GALNTL6: variants seen among roughly 807,000 people sequenced by gnomAD.
GALNTL6 encodes the protein polypeptide N-acetylgalactosaminyltransferase like 6.
In GALNTL6, 46 loss-of-function variants were observed where a neutral mutation model predicts 73.7. The ratio of observed to expected loss-of-function variants is 0.62; its 90% CI spans 0.49 to 0.80. The LOEUF is 0.80. Among genes scored for constraint, GALNTL6 ranks in the 30% least tolerant of loss-of-function variants. GALNTL6 has a pLI of 0.00. For missense variants in GALNTL6, 604 were observed against 755.0 expected (o/e 0.80, Z 2.34); for synonymous variants, 259 against 263.7 (o/e 0.98, Z 0.17).
intron 11 of GALNTL6, among the ~76,000 whole-genome samples, chr4:173,020,966 G>A (rs945342015): frequency 8.5e-5 from 13 of 152,104 alleles, no homozygotes; most frequent in African/African-American, 1.4e-4. Context: ...CCAGCTACTC[G>A]GGAGGCTGAG....
intron 2 of GALNTL6, among the ~76,000 whole-genome samples, chr4:171,822,765 A>G (rs1041008467): frequency 1.3e-5 from 2 of 152,208 alleles, no homozygotes; most frequent in Non-Finnish European, 2.9e-5. Context: ...CCTGTTTTCA[A>G]TTAACTTCGA....
intron 2 of GALNTL6, among the ~76,000 whole-genome samples, chr4:171,909,314 C>T (rs1457077951): frequency 1.3e-5 from 2 of 152,012 alleles, no homozygotes; most frequent in African/African-American, 2.4e-5. Flanking sequence ...TTTGAAACTA[C>T]TGTATATTAT....
chr4:171,983,472 ATT>A (rs1276440743), intron 2 of GALNTL6, among the ~76,000 whole-genome samples: 1 of 144,372 alleles, frequency 6.9e-6, no homozygotes, highest in African/African-American at 2.6e-5. Flanking sequence ...GATTTTATTT[ATT>A]TATTTATTTA....
chr4:172,926,903 A>G (rs368453469), intron 8 of GALNTL6, among the ~76,000 whole-genome samples: 24 of 152,356 alleles, frequency 1.6e-4, no homozygotes, highest in East Asian at 7.7e-4. Flanking sequence ...AAATATCAGA[A>G]GAGGCTGAGA....
intron 8 of GALNTL6, among the ~76,000 whole-genome samples, chr4:172,892,870 G>T (rs1746114418): frequency 6.6e-6 from 1 of 152,100 alleles, no homozygotes; most frequent in South Asian, 2.1e-4. Flanking sequence ...CCCAAGGCAA[G>T]GTTTACATCA....
chr4:172,774,581 C>G (rs1424322188), intron 5 of GALNTL6, among the ~76,000 whole-genome samples: 1 of 152,114 alleles, frequency 6.6e-6, no homozygotes, highest in Admixed American at 6.6e-5. Context: ...AGAATGAAGT[C>G]GAAACATGTA....
intron 9 of GALNTL6, among the ~76,000 whole-genome samples, chr4:172,948,535 C>T (rs1414813581): frequency 6.6e-6 from 1 of 151,056 alleles, no homozygotes; most frequent in Non-Finnish European, 1.5e-5. Flanking sequence ...TCACTGCAAC[C>T]TCCACCTCTC....
intron 5 of GALNTL6, among the ~76,000 whole-genome samples, chr4:172,788,182 CAAAA>C (rs936176347): frequency 3.9e-4 from 42 of 108,820 alleles, no homozygotes; most frequent in African/African-American, 1.1e-3. Context: ...CCTGTCTCTA[CAAAA>C]AAACAAACAA....
chr4:171,998,902 C>T (rs1388683391), intron 2 of GALNTL6, among the ~76,000 whole-genome samples: 1 of 152,126 alleles, frequency 6.6e-6, no homozygotes, highest in Non-Finnish European at 1.5e-5. Context: ...TCTGTCAGGT[C>T]CACCCTCTGC....
chr4:172,399,842 T>G (rs949858788), intron 5 of GALNTL6, among the ~76,000 whole-genome samples: 2 of 152,146 alleles, frequency 1.3e-5, no homozygotes, highest in African/African-American at 4.8e-5. Flanking sequence ...CTTTTTAAAT[T>G]TTTTTGCCCT....
At chr4:172,125,392 C>T (rs1191932091) in intron 2 of GALNTL6, among the ~76,000 whole-genome samples, 2 of 152,084 alleles carry the variant, frequency 1.3e-5, no homozygotes, top group African/African-American at 2.4e-5. Context: ...AAACATATTT[C>T]GGAATTAAAC....
chr4:171,984,375 A>C (rs1740002049), intron 2 of GALNTL6, among the ~76,000 whole-genome samples: 1 of 152,180 alleles, frequency 6.6e-6, no homozygotes, highest in Admixed American at 6.5e-5. Flanking sequence ...GCACTTTTAA[A>C]AGGCATGAGA....
At chr4:172,690,325 A>G (rs1733192570) in intron 5 of GALNTL6, among the ~76,000 whole-genome samples, 1 of 152,186 alleles carries the variant, frequency 6.6e-6, no homozygotes, top group African/African-American at 2.4e-5. Context: ...TCTTATTCTG[A>G]TATTTAAAAG....
intron 2 of GALNTL6, among the ~76,000 whole-genome samples, chr4:171,866,246 T>C (rs544912584): frequency 4.9e-4 from 74 of 152,260 alleles, no homozygotes; most frequent in Non-Finnish European, 9.6e-4. Context: ...TCTAAGGTAA[T>C]TGATATAATT....
chr4:172,192,175 A>G (rs1735609509), intron 2 of GALNTL6, among the ~76,000 whole-genome samples: 5 of 152,164 alleles, frequency 3.3e-5, no homozygotes, highest in Admixed American at 3.3e-4. Context: ...TGTCATCTAT[A>G]AATAACTTAT....
chr4:172,249,435 A>G (rs1737773840), intron 3 of GALNTL6, among the ~76,000 whole-genome samples: 1 of 152,238 alleles, frequency 6.6e-6, no homozygotes, highest in African/African-American at 2.4e-5. Flanking sequence ...TTTTCTGGAG[A>G]GATATTCAAG....
At chr4:172,481,118 T>C (rs1234066336) in intron 5 of GALNTL6, among the ~76,000 whole-genome samples, 4 of 152,166 alleles carry the variant, frequency 2.6e-5, no homozygotes, top group African/African-American at 7.2e-5. Context: ...TGTTTGGACG[T>C]GTTCGGAGTT....
intron 3 of GALNTL6, among the ~76,000 whole-genome samples, chr4:172,254,260 A>C (rs1737992887): frequency 6.6e-6 from 1 of 151,850 alleles, no homozygotes; most frequent in South Asian, 2.1e-4. Flanking sequence ...AATTAGAACA[A>C]CTCACACTAA....
At chr4:172,380,571 A>G (rs1579016073) in intron 5 of GALNTL6, 2 of 250,238 alleles carry the variant, frequency 8.0e-6, no homozygotes, top group Non-Finnish European at 1.6e-5. Flanking sequence ...TGTACACTTT[A>G]GTAGGGAAAG....
Sources: allele counts gnomAD v4.1 joint callset (sites outside exome capture counted in the v4.1 genomes callset), GRCh38; gene constraint gnomAD v4.1.1; transcripts MANE v1.5; gene names NCBI Gene and HGNC (gene_info 2026-07-23, HGNC 2026-07-21).